CCDC6: variants seen among roughly 807,000 people sequenced by gnomAD.
The protein encoded by CCDC6 is coiled-coil domain containing 6.
A neutral mutation model predicts 56.6 loss-of-function variants in CCDC6; 20 were observed. The ratio of observed to expected loss-of-function variants is 0.35; its 90% CI spans 0.25 to 0.51. The LOEUF is 0.51. Among genes scored for constraint, CCDC6 ranks in the 20% least tolerant of loss-of-function variants. The pLI is 0.95. For missense variants in CCDC6, 367 were observed against 601.1 expected (o/e 0.61, Z 4.07); for synonymous variants, 241 against 234.4 (o/e 1.03, Z -0.26).
chr10:59,798,831 A>G (rs2070547421), intron 7 of CCDC6, among the ~76,000 whole-genome samples: 2 of 149,058 alleles, frequency 1.3e-5, no homozygotes, highest in South Asian at 4.3e-4. Flanking sequence ...CATCTCTACT[A>G]AAAATACAAA....
At chr10:59,903,083 ACTATATGACATTC>A (rs1211291916) in intron 1 of CCDC6, among the ~76,000 whole-genome samples, 1 of 152,226 alleles carries the variant, frequency 6.6e-6, no homozygotes, top group Non-Finnish European at 1.5e-5. Context: ...TATGATTCCA[ACTATATGACATTC>A]TGGAAAAGGC....
intron 1 of CCDC6, among the ~76,000 whole-genome samples, chr10:59,886,589 T>A (rs994660987): frequency 2.6e-5 from 4 of 152,310 alleles, no homozygotes; most frequent in East Asian, 3.9e-4. Flanking sequence ...CAGAAAGGTT[T>A]TACCATAAAA....
At position 59,906,483 on chromosome 10, in the gene CCDC6, C is replaced by T. The variant is rs751222343; in HGVS notation, c.-59G>A. On this transcript the variant is annotated 5_prime_UTR_variant, in exon 1 of 9. Transcript: ENST00000263102. ...GCAGGGAGGCGGCGGCGACGAAGGCCGGGCTGCGAATGAGTGGGCGCCGGG... is the reference window on the plus strand; with the variant it reads ...GCAGGGAGGCGGCGGCGACGAAGGCTGGGCTGCGAATGAGTGGGCGCCGGG... 1.9e-5 allele frequency: 27 copies of T among 1,393,828 alleles called. No individual in the cohort carries two copies. The East Asian group carries it at 7.3e-4, about 37-fold the overall frequency. The allele number at this position is 1,393,828 out of a possible 1,614,324, so 86.3% of individuals were successfully genotyped here. A position where few individuals can be genotyped will look rare whatever the true frequency, so the allele number is the denominator to read the frequency against.
At chr10:59,869,633 G>A (rs920207143) in intron 1 of CCDC6, among the ~76,000 whole-genome samples, 5 of 151,914 alleles carry the variant, frequency 3.3e-5, no homozygotes, top group African/African-American at 4.8e-5. Context: ...TACAACAGCC[G>A]CCTACCTGGC....
chr10:59,876,315 C>CT (rs2071279706), intron 1 of CCDC6, among the ~76,000 whole-genome samples: 1 of 151,984 alleles, frequency 6.6e-6, no homozygotes, highest in African/African-American at 2.4e-5. Context: ...TCCCACAGTG[C>CT]TGGGATCACA....
Position 59,804,425 on chromosome 10 carries a change from G to A in CCDC6, c.1100C>T (p.Ser367Leu). ...AGCCAAAGACATATGCTCACCAGGT[G>A]ATATAGGCCTGCTTGAACTCGGAGA... ...TPSPSSSRPI[S>L]PGLSYASHTV... The change falls in exon 7 of 9, where the codon TCA (serine) becomes TTA (leucine). Residue 367 changes from serine (S) to leucine (L), a missense_variant. Ser to Leu is a moderately radical substitution (Grantham distance 145). This residue lies in a region of CCDC6 where 79 missense variants were observed against 83.9 expected (regional missense o/e 0.94). Transcript: ENST00000263102. The A allele has an allele frequency of 6.3e-7, 1 of 1,599,342 alleles. No individual in the cohort carries two copies.
At chr10:59,842,833 A>G (rs1174604787) in intron 2 of CCDC6, among the ~76,000 whole-genome samples, 1 of 150,490 alleles carries the variant, frequency 6.6e-6, no homozygotes, top group Non-Finnish European at 1.5e-5. Flanking sequence ...AGCTCACAGC[A>G]AGCTCCGCCT....
intron 2 of CCDC6, among the ~76,000 whole-genome samples, chr10:59,847,839 T>C (rs2071006203): frequency 6.7e-6 from 1 of 149,264 alleles, no homozygotes; most frequent in East Asian, 1.9e-4. Flanking sequence ...TTTTTTTTTT[T>C]TTACCCCTAA....
At position 59,844,938 on chromosome 10, in the gene CCDC6, T is replaced by C. The variant is rs575087066; in HGVS notation, c.453+7615A>G. ...TCATCTTTCTTACCAAGTTTATGAGTGGAGGAAATAGGAAGGTGAGGACAG... is the reference window on the plus strand; with the variant it reads ...TCATCTTTCTTACCAAGTTTATGAGCGGAGGAAATAGGAAGGTGAGGACAG... On this transcript the variant is annotated intron_variant, in intron 2 of 8. Transcript: ENST00000263102. 3.8e-4 allele frequency among the ~76,000 whole-genome samples: 58 copies of C among 152,238 alleles called. 1 individual carries two copies. In the South Asian group the frequency reaches 0.012, roughly 30 times the overall value.
At chr10:59,905,594 C>T (rs752364608) in intron 1 of CCDC6, among the ~76,000 whole-genome samples, 1 of 152,212 alleles carries the variant, frequency 6.6e-6, no homozygotes, top group East Asian at 1.9e-4. Context: ...TTCCCGGATT[C>T]CCGGCCACTC....
rs3793879 is a variant in CCDC6, at chr10:59,834,985, T to C, written c.454-2332A>G. ...CTATCTGCAGGTACTATGAGAATGGTAGGCGAGATCTATAGTTAACATATC... is the reference window on the plus strand; with the variant it reads ...CTATCTGCAGGTACTATGAGAATGGCAGGCGAGATCTATAGTTAACATATC... On this transcript the variant is annotated intron_variant, in intron 2 of 8. Coordinates refer to ENST00000263102, the MANE Select transcript of CCDC6 (RefSeq NM_005436.5). Among the ~76,000 whole-genome samples, 33 of 152,336 alleles carry C rather than the reference T, an allele frequency of 2.2e-4. No individual in the cohort carries two copies. In the East Asian group the frequency reaches 6.2e-3, roughly 28 times the overall value.
intron 5 of CCDC6, 128 bp from the exon 6 acceptor site, chr10:59,807,206 C>T (rs1227192799): frequency 2.7e-5 from 22 of 815,622 alleles, no homozygotes; most frequent in African/African-American, 1.7e-4. Flanking sequence ...TCTTTCTGGT[C>T]GGGTATGGTG....
At chr10:59,829,999 G>A (rs1477069855) in intron 3 of CCDC6, among the ~76,000 whole-genome samples, 2 of 152,192 alleles carry the variant, frequency 1.3e-5, no homozygotes, top group Admixed American at 6.5e-5. Flanking sequence ...TGAAGTCAGA[G>A]CCCAGGCCCT....
chr10:59,852,502 CT>C, intron 2 of CCDC6, 50 bp downstream of exon 2: 1 of 1,474,984 alleles, frequency 6.8e-7, no homozygotes, highest in Non-Finnish European at 9.1e-7. Flanking sequence ...TCATTTTCTC[CT>C]AGAAAGGAAA....
At chr10:59,820,756 AGAACGAATGAAT>A (rs2070743494) in intron 3 of CCDC6, among the ~76,000 whole-genome samples, 1 of 147,356 alleles carries the variant, frequency 6.8e-6, no homozygotes, top group Non-Finnish European at 1.5e-5. Flanking sequence ...TCAAAAAAAA[AGAACGAATGAAT>A]GAACGAATGA....
intron 1 of CCDC6, among the ~76,000 whole-genome samples, chr10:59,896,002 T>C (rs2071460000): frequency 6.6e-6 from 1 of 152,090 alleles, no homozygotes; most frequent in Non-Finnish European, 1.5e-5. Flanking sequence ...TCCATGTGTA[T>C]TGTCACACGT....
At chr10:59,886,466 A>C (rs1436080535) in intron 1 of CCDC6, among the ~76,000 whole-genome samples, 1 of 152,228 alleles carries the variant, frequency 6.6e-6, no homozygotes, top group East Asian at 1.9e-4. Context: ...ATTTAAAAGA[A>C]TATCTGGCAT....
At chr10:59,834,871 GAA>G in intron 2 of CCDC6, among the ~76,000 whole-genome samples, 1 of 152,198 alleles carries the variant, frequency 6.6e-6, no homozygotes, top group African/African-American at 2.4e-5. Context: ...AGAACCCAAT[GAA>G]ACAAGCATCG....
At chr10:59,838,497 C>T (rs16914264) in intron 2 of CCDC6, among the ~76,000 whole-genome samples, 3,671 of 152,250 alleles carry the variant, frequency 0.024, 142 homozygotes, top group African/African-American at 0.083. Flanking sequence ...AAGCTTCCCA[C>T]GCCTTCCTCA....
Sources: allele counts gnomAD v4.1 joint callset (sites outside exome capture counted in the v4.1 genomes callset), GRCh38; gene constraint gnomAD v4.1.1; regional missense constraint gnomAD v4.1.1; transcripts MANE v1.5; gene names NCBI Gene and HGNC (gene_info 2026-07-23, HGNC 2026-07-21).